The following RAB3C variants were observed in gnomAD, a reference collection of about 807,000 sequenced individuals.
The protein encoded by RAB3C is ras-related protein Rab-3C.
Under a neutral mutation model 26.4 loss-of-function variants are expected in RAB3C, and 17 were observed. That is an observed-to-expected ratio of 0.64 (90% confidence interval 0.44 to 0.97). The LOEUF (loss-of-function observed/expected upper bound fraction) is 0.97. Among genes scored for constraint, RAB3C ranks in the 50% least tolerant of loss-of-function variants. The probability of loss-of-function intolerance (pLI) is 0.00; values close to 1 mark genes in which losing one functional copy is unlikely to be tolerated. For synonymous variants in RAB3C, 91 were observed against 95.9 expected (o/e 0.95, Z 0.30); for missense variants, 242 against 281.9 (o/e 0.86, Z 1.01).
intron 3 of RAB3C, among the ~76,000 whole-genome samples, chr5:58,730,350 G>A (rs1217151529): frequency 6.6e-6 from 1 of 151,988 alleles, no homozygotes; most frequent in African/African-American, 2.4e-5. Flanking sequence ...AAAGAAAAAA[G>A]CCCTTTGGGG....
At chr5:58,799,422 C>A (rs773819122) in intron 3 of RAB3C, among the ~76,000 whole-genome samples, 32 of 152,058 alleles carry the variant, frequency 2.1e-4, no homozygotes, top group Non-Finnish European at 2.4e-4. Flanking sequence ...AAATGTAAAC[C>A]AAGCTTGAGG....
chr5:58,778,185 G>T (rs1232927209), intron 3 of RAB3C, among the ~76,000 whole-genome samples: 4 of 152,026 alleles, frequency 2.6e-5, no homozygotes, highest in Non-Finnish European at 5.9e-5. Flanking sequence ...AATATCATTG[G>T]ATTTAGGAGG....
chr5:58,662,000 C>G (rs1203666477), intron 2 of RAB3C, among the ~76,000 whole-genome samples: 2 of 150,050 alleles, frequency 1.3e-5, no homozygotes, highest in East Asian at 3.8e-4. Context: ...CATTCTCTCC[C>G]ACATCCCAGG....
intron 3 of RAB3C, among the ~76,000 whole-genome samples, chr5:58,812,452 C>T (rs1743115574): frequency 1.3e-5 from 2 of 152,140 alleles, no homozygotes; most frequent in African/African-American, 4.8e-5. Flanking sequence ...GATTCTAATG[C>T]CTGCTAAAGT....
intron 4 of RAB3C, among the ~76,000 whole-genome samples, chr5:58,832,880 T>C (rs780890508): frequency 6.6e-6 from 1 of 152,172 alleles, no homozygotes; most frequent in African/African-American, 2.4e-5. Flanking sequence ...ATGCTGAGGA[T>C]CCTAAGTTTT....
chr5:58,743,684 T>A (rs922688682), intron 3 of RAB3C, among the ~76,000 whole-genome samples: 1 of 152,152 alleles, frequency 6.6e-6, no homozygotes, highest in African/African-American at 2.4e-5. Context: ...TGTTCCTGTG[T>A]TCATTTGCTG....
At chr5:58,641,449 G>C (rs183642929) in intron 2 of RAB3C, among the ~76,000 whole-genome samples, 1 of 152,192 alleles carries the variant, frequency 6.6e-6, no homozygotes, top group African/African-American at 2.4e-5. Flanking sequence ...ACCAGAAATA[G>C]CATGGAAATG....
chr5:58,734,085 G>A (rs957324842), intron 3 of RAB3C, among the ~76,000 whole-genome samples: 13 of 152,104 alleles, frequency 8.5e-5, no homozygotes, highest in African/African-American at 3.1e-4. Context: ...AGAGGCTGAG[G>A]ATAAAAGTCT....
intron 1 of RAB3C, among the ~76,000 whole-genome samples, chr5:58,596,598 T>C (rs1185211361): frequency 8.4e-6 from 1 of 119,090 alleles, no homozygotes. Flanking sequence ...ATACATAATA[T>C]ATTATATATA....
At chr5:58,757,684 AT>A (rs138289234) in intron 3 of RAB3C, among the ~76,000 whole-genome samples, 2,235 of 152,116 alleles carry the variant, frequency 0.015, 40 homozygotes, top group African/African-American at 0.049. Context: ...TTATTGTATA[AT>A]TTTTTTCCCC....
chr5:58,676,784 A>G (rs1561286330), intron 2 of RAB3C, among the ~76,000 whole-genome samples: 1 of 152,110 alleles, frequency 6.6e-6, no homozygotes, highest in East Asian at 1.9e-4. Context: ...TTTGTTTTAC[A>G]TTGTTTTGTT....
At position 58,852,868 on chromosome 5, in the gene RAB3C, T is replaced by A. The variant is rs1375971684; in HGVS notation, c.*1517T>A. ...TGGTTATGTCAAAGAATTTTTTTCC[T>A]CTTCTCAAAAATAGAGAGGCTTCCC... On this transcript the variant is annotated 3_prime_UTR_variant, in exon 5 of 5. Transcript: ENST00000282878. 1 of 67,150 alleles carries A rather than the reference T, an allele frequency of 1.5e-5. No individual in the cohort carries two copies. Among genetic ancestry groups the A allele is most frequent in the Non-Finnish European group, 4.0e-5 (1 of 24,920 alleles). 4.2% of individuals were successfully genotyped at this position (67,150 alleles called of 1,614,324 possible). A position where few individuals can be genotyped will look rare whatever the true frequency, so the allele number is the denominator to read the frequency against.
chr5:58,838,257 G>A (rs944998421), intron 4 of RAB3C, among the ~76,000 whole-genome samples: 3 of 151,932 alleles, frequency 2.0e-5, no homozygotes, highest in Admixed American at 6.6e-5. Flanking sequence ...GCGGGCGCCT[G>A]TAGTCCCAGC....
chr5:58,774,725 C>T (rs777576775), intron 3 of RAB3C, among the ~76,000 whole-genome samples: 12 of 152,010 alleles, frequency 7.9e-5, no homozygotes, highest in Non-Finnish European at 1.5e-4. Context: ...ACATTCAAGC[C>T]ATGATATGAA....
intron 3 of RAB3C, among the ~76,000 whole-genome samples, chr5:58,800,693 G>A (rs1011896721): frequency 5.9e-5 from 9 of 152,112 alleles, no homozygotes; most frequent in African/African-American, 9.7e-5. Flanking sequence ...GGGGACTGTC[G>A]ACATTCTTCT....
intron 3 of RAB3C, among the ~76,000 whole-genome samples, chr5:58,796,436 G>T (rs1039027976): frequency 2.0e-5 from 3 of 152,098 alleles, no homozygotes; most frequent in African/African-American, 7.2e-5. Context: ...CACCCAGAGT[G>T]GTGGAGAAGA....
intron 1 of RAB3C, among the ~76,000 whole-genome samples, chr5:58,586,018 T>C (rs931012704): frequency 1.3e-5 from 2 of 152,042 alleles, no homozygotes; most frequent in African/African-American, 2.4e-5. Flanking sequence ...AAGACTCTGG[T>C]TAACAAATTG....
intron 2 of RAB3C, among the ~76,000 whole-genome samples, chr5:58,671,536 A>G (rs987567845): frequency 6.6e-6 from 1 of 152,152 alleles, no homozygotes; most frequent in Admixed American, 6.5e-5. Flanking sequence ...TTGGACTGGA[A>G]CCATAAAAAA....
chr5:58,591,522 G>A (rs2111657540), intron 1 of RAB3C, among the ~76,000 whole-genome samples: 1 of 151,046 alleles, frequency 6.6e-6, no homozygotes, highest in Non-Finnish European at 1.5e-5. Flanking sequence ...TTGTCTTAAA[G>A]TCTATATTGT....
Sources: allele counts gnomAD v4.1 joint callset (sites outside exome capture counted in the v4.1 genomes callset), GRCh38; gene constraint gnomAD v4.1.1; transcripts MANE v1.5; gene names NCBI Gene and HGNC (gene_info 2026-07-23, HGNC 2026-07-21).